The following FMN1 variants were observed in gnomAD, a reference collection of about 807,000 sequenced individuals.
FMN1 encodes formin 1.
In FMN1, 110 loss-of-function variants were observed where a neutral mutation model predicts 132.4. The ratio of observed to expected loss-of-function variants is 0.83; its 90% CI spans 0.71 to 0.97. The LOEUF (loss-of-function observed/expected upper bound fraction) is 0.97. FMN1 is among the 50% of genes least tolerant of loss of function. FMN1 has a pLI of 0.00. For synonymous variants in FMN1, 722 were observed against 651.7 expected (o/e 1.11, Z -1.64); for missense variants, 1,792 against 1,705.3 (o/e 1.05, Z -0.90).
intron 9 of FMN1, among the ~76,000 whole-genome samples, chr15:32,962,984 C>A (rs1239846419): frequency 7.2e-4 from 100 of 139,456 alleles, no homozygotes; most frequent in African/African-American, 2.5e-3. Flanking sequence ...CCAGCCATCC[C>A]ATTACTGGGT....
At chr15:32,901,160 AAAAG>A (rs145875428) in intron 13 of FMN1, among the ~76,000 whole-genome samples, 11,451 of 152,110 alleles carry the variant, frequency 0.075, 553 homozygotes, top group Middle Eastern at 0.15. Context: ...GTCTCAAAAA[AAAAG>A]AAAGAAAGAA....
chr15:32,826,099 C>G (rs538841187), intron 17 of FMN1, among the ~76,000 whole-genome samples: 1 of 152,354 alleles, frequency 6.6e-6, no homozygotes, highest in African/African-American at 2.4e-5. Flanking sequence ...CAAAGTGAGA[C>G]TCAAGGGAGC....
intron 16 of FMN1, among the ~76,000 whole-genome samples, chr15:32,876,382 A>C (rs1049052823): frequency 6.6e-6 from 1 of 152,208 alleles, no homozygotes; most frequent in African/African-American, 2.4e-5. Context: ...AACTAAATGC[A>C]ATGTGGTAGT....
intron 5 of FMN1, among the ~76,000 whole-genome samples, chr15:33,087,363 T>C (rs540600628): frequency 2.6e-5 from 4 of 152,250 alleles, no homozygotes; most frequent in Non-Finnish European, 4.4e-5. Flanking sequence ...CTGGCCAACA[T>C]GGTGAAACCC....
intron 4 of FMN1, among the ~76,000 whole-genome samples, chr15:33,096,197 T>G (rs1255373056): frequency 6.6e-6 from 1 of 152,176 alleles, no homozygotes; most frequent in Non-Finnish European, 1.5e-5. Context: ...TTTTGTGATA[T>G]AAAATTCTGA....
intron 4 of FMN1, among the ~76,000 whole-genome samples, chr15:33,142,090 A>G (rs1430902706): frequency 1.3e-5 from 2 of 152,214 alleles, no homozygotes; most frequent in East Asian, 3.9e-4. Flanking sequence ...TAATCTGTCA[A>G]TAATGCCCTT....
In FMN1 at chr15:32,908,413, A is replaced by G; in HGVS notation, c.3377+77T>C. 5.3e-6 allele frequency: 5 copies of G among 937,900 alleles called. No individual in the cohort carries two copies. In the South Asian group the frequency reaches 6.8e-5, roughly 13 times the overall value. The allele number at this position is 937,900 out of a possible 1,614,324, so 58.1% of individuals were successfully genotyped here. On this transcript the variant is annotated intron_variant, in intron 12 of 20. Transcript: ENST00000616417. ...GCTGGCTGCACATTTAGATTTGGTT[A>G]TTCTGAGCTGGGAGACAAGAAGACA...
At chr15:33,030,001 C>A (rs2035860180) in intron 6 of FMN1, among the ~76,000 whole-genome samples, 1 of 151,988 alleles carries the variant, frequency 6.6e-6, no homozygotes, top group South Asian at 2.1e-4. Context: ...ACTAAAAATA[C>A]AAAAAAAATA....
Position 33,174,815 on chromosome 15 carries a change from T to A in FMN1, c.-132+5383A>T, listed in dbSNP as rs1014970197. On this transcript the variant is annotated intron_variant, in intron 3 of 20. Coordinates refer to ENST00000616417, the MANE Select transcript of FMN1 (RefSeq NM_001277313.2). Reference sequence around the variant, plus strand: ...GTAACCCATATTTAGACTTATAGAATAGCGGGACAATCAGAAATCTTTCCG... The same window carrying A: ...GTAACCCATATTTAGACTTATAGAAAAGCGGGACAATCAGAAATCTTTCCG... Among the ~76,000 whole-genome samples, 9 of 152,322 alleles carry A rather than the reference T, an allele frequency of 5.9e-5. No homozygotes were observed. In the East Asian group the frequency reaches 1.7e-3, roughly 29 times the overall value.
intron 10 of FMN1, among the ~76,000 whole-genome samples, chr15:32,924,416 G>C (rs2060906603): frequency 6.6e-6 from 1 of 152,114 alleles, no homozygotes; most frequent in African/African-American, 2.4e-5. Flanking sequence ...AAAAGTAGCA[G>C]GTGATGTGAA....
intron 9 of FMN1, among the ~76,000 whole-genome samples, chr15:32,962,522 C>G (rs1024330965): frequency 2.6e-5 from 4 of 151,198 alleles, no homozygotes; most frequent in Non-Finnish European, 5.9e-5. Context: ...AGCTTCTGCA[C>G]AGCAAAACAA....
chr15:32,899,219 G>A (rs1264182152), intron 14 of FMN1, among the ~76,000 whole-genome samples: 1 of 152,192 alleles, frequency 6.6e-6, no homozygotes, highest in Non-Finnish European at 1.5e-5. Flanking sequence ...GAATGCTAAA[G>A]GGAACCAGGG....
intron 5 of FMN1, among the ~76,000 whole-genome samples, chr15:33,083,237 C>A (rs1321567017): frequency 9.9e-5 from 15 of 152,178 alleles, no homozygotes; most frequent in Non-Finnish European, 4.4e-5. Flanking sequence ...TGGATATACT[C>A]AAATATATTC....
chr15:33,127,774 G>A (rs780926296), intron 4 of FMN1, among the ~76,000 whole-genome samples: 3 of 152,192 alleles, frequency 2.0e-5, no homozygotes, highest in Non-Finnish European at 4.4e-5. Context: ...CACTTGCAGT[G>A]TCTGTAGAGA....
intron 6 of FMN1, among the ~76,000 whole-genome samples, chr15:33,047,924 A>T (rs552876801): frequency 6.6e-6 from 1 of 152,230 alleles, no homozygotes; most frequent in Non-Finnish European, 1.5e-5. Context: ...CAACTATTGG[A>T]TCTTCTTCTG....
At chr15:33,181,587 G>A (rs1252519314) in intron 2 of FMN1, among the ~76,000 whole-genome samples, 1 of 152,162 alleles carries the variant, frequency 6.6e-6, no homozygotes, top group Non-Finnish European at 1.5e-5. Context: ...GATCAGGGAG[G>A]CTTTCGGGGC....
intron 4 of FMN1, among the ~76,000 whole-genome samples, chr15:33,114,141 A>G (rs1023605524): frequency 6.6e-6 from 1 of 152,210 alleles, no homozygotes; most frequent in African/African-American, 2.4e-5. Flanking sequence ...TCAAGGTCCT[A>G]TAGGACACTA....
chr15:32,837,414 G>C (rs897462290), intron 17 of FMN1: 3 of 153,464 alleles, frequency 2.0e-5, no homozygotes, highest in African/African-American at 7.2e-5. Context: ...TCTGGCGACA[G>C]TGACTTCTCT....
intron 17 of FMN1, among the ~76,000 whole-genome samples, chr15:32,838,181 G>A (rs1274812387): frequency 6.6e-6 from 1 of 152,124 alleles, no homozygotes; most frequent in East Asian, 1.9e-4. Flanking sequence ...GAAAACATAA[G>A]GGGGTGGAGG....
Sources: allele counts gnomAD v4.1 joint callset (sites outside exome capture counted in the v4.1 genomes callset), GRCh38; gene constraint gnomAD v4.1.1; transcripts MANE v1.5; gene names NCBI Gene and HGNC (gene_info 2026-07-23, HGNC 2026-07-21).